COP1: variants seen among roughly 807,000 people sequenced by gnomAD.
The protein encoded by COP1 is E3 ubiquitin-protein ligase COP1.
COP1 carries 24 observed loss-of-function variants against 101.3 expected under a neutral mutation model. That is an observed-to-expected ratio of 0.24 (90% CI 0.17 to 0.33). COP1 has a LOEUF of 0.33. Ranked by LOEUF, COP1 falls within the 10% of genes least tolerant of loss-of-function variation. COP1 has a pLI of 1.00. For missense variants in COP1, 663 were observed against 906.2 expected (o/e 0.73, Z 3.45); for synonymous variants, 347 against 341.9 (o/e 1.01, Z -0.17).
intron 9 of COP1, among the ~76,000 whole-genome samples, chr1:176,102,306 C>T (rs937293970): frequency 7.2e-5 from 11 of 152,110 alleles, no homozygotes; most frequent in Non-Finnish European, 1.2e-4. Context: ...CACCCTTGTA[C>T]GTGCCTGCAA....
At position 175,981,692 on chromosome 1, in the gene COP1, A is replaced by C. The variant is rs532221578; in HGVS notation, c.2133+5251T>G. Among the ~76,000 whole-genome samples the C allele has an allele frequency of 1.2e-4, 18 of 152,304 alleles. No homozygotes were observed. In the South Asian group the frequency reaches 3.7e-3, roughly 32 times the overall value. Reference sequence around the variant, plus strand: ...ATATAAAGCTTCCTCACAACAAAGGAAACAACAGAGTGAAAAGACAACATG... The same window carrying C: ...ATATAAAGCTTCCTCACAACAAAGGCAACAACAGAGTGAAAAGACAACATG... On this transcript the variant is annotated intron_variant, in intron 18 of 19. Coordinates refer to ENST00000367669, the MANE Select transcript of COP1 (RefSeq NM_022457.7).
chr1:176,083,701 A>AG lies in COP1; in HGVS notation c.1141+2074_1141+2075insC, dbSNP rs1679605183. ...ATCTTTCATTTTAATAGTTGGAAAT[A>AG]AAAGAGAATACAGATGGATTTACAG... On this transcript the variant is annotated intron_variant, in intron 10 of 19. Transcript: ENST00000367669. Among the ~76,000 whole-genome samples the AG allele has an allele frequency of 1.8e-3, 4 of 2,270 alleles. No homozygotes were observed. The South Asian group carries it at 0.13, about 76-fold the overall frequency. 1.5% of individuals were successfully genotyped at this position (2,270 alleles called of 152,430 possible). A position where few individuals can be genotyped will look rare whatever the true frequency, so the allele number is the denominator to read the frequency against.
rs149770135 is a variant in COP1, at chr1:175,973,999, G to A, written c.2133+12944C>T. Among the ~76,000 whole-genome samples, 353 of 152,276 alleles carry A rather than the reference G, an allele frequency of 2.3e-3. 1 individual carries two copies. The highest frequency in any genetic ancestry group is 8.4e-3 in the African/African-American group (347 of 41,556). ...TATGCAAGTGGTAAGAGATTGAGCT[G>A]GAGAGGGAGGTGGGGGCCTGATAAA... On this transcript the variant is annotated intron_variant, in intron 18 of 19. Transcript: ENST00000367669.
intron 1 of COP1, among the ~76,000 whole-genome samples, chr1:176,203,114 G>A (rs1180998236): frequency 6.6e-6 from 1 of 151,678 alleles, no homozygotes; most frequent in Non-Finnish European, 1.5e-5. Flanking sequence ...GAGGCGGGCG[G>A]ATCATGAGGT....
intron 8 of COP1, among the ~76,000 whole-genome samples, chr1:176,125,396 T>G (rs1046006790): frequency 2.0e-5 from 3 of 152,210 alleles, no homozygotes; most frequent in African/African-American, 7.2e-5. Flanking sequence ...TTTAATCCAC[T>G]TTGATGTGAT....
At chr1:176,017,167 C>T (rs4460596) in intron 15 of COP1, 123,888 of 152,124 alleles carry the variant, frequency 0.81, 51,128 homozygotes, top group East Asian at 0.99. Context: ...GTAAAGAAAG[C>T]ATAAAATGAC....
intron 18 of COP1, among the ~76,000 whole-genome samples, chr1:175,956,956 A>T (rs1341146466): frequency 1.3e-5 from 2 of 152,182 alleles, no homozygotes; most frequent in Non-Finnish European, 2.9e-5. Context: ...ATGTTTAAAA[A>T]GTAAAAATAA....
At chr1:175,962,531 GC>G (rs1651500865) in intron 18 of COP1, among the ~76,000 whole-genome samples, 1 of 151,952 alleles carries the variant, frequency 6.6e-6, no homozygotes, top group South Asian at 2.1e-4. Flanking sequence ...TCCAAACCGA[GC>G]CTTTTCATTG....
intron 18 of COP1, among the ~76,000 whole-genome samples, chr1:175,954,753 C>T (rs1650397717): frequency 6.6e-6 from 1 of 151,890 alleles, no homozygotes; most frequent in African/African-American, 2.4e-5. Context: ...GTAAATCAAA[C>T]AAAACCAGAG....
intron 16 of COP1, chr1:175,989,136 CTAG>C: frequency 2.8e-6 from 1 of 351,614 alleles, no homozygotes; most frequent in Non-Finnish European, 5.1e-6. Flanking sequence ...ATATAAAAAA[CTAG>C]TATCTTCAGG....
chr1:176,012,990 C>T (rs958458592), intron 15 of COP1, among the ~76,000 whole-genome samples: 1 of 152,098 alleles, frequency 6.6e-6, no homozygotes, highest in East Asian at 1.9e-4. Context: ...CCCATGCCCT[C>T]CATACCAAAA....
At chr1:175,959,896 CAG>C (rs1450241697) in intron 18 of COP1, among the ~76,000 whole-genome samples, 1 of 152,222 alleles carries the variant, frequency 6.6e-6, no homozygotes, top group Non-Finnish European at 1.5e-5. Context: ...TCAAAATGTA[CAG>C]AGTCAAAAGT....
chr1:175,966,975 C>T (rs1652141750), intron 18 of COP1, among the ~76,000 whole-genome samples: 1 of 152,176 alleles, frequency 6.6e-6, no homozygotes, highest in African/African-American at 2.4e-5. Context: ...GGGATTTCTT[C>T]ATCACAAAGG....
chr1:176,164,839 AT>A (rs79339960), intron 3 of COP1, among the ~76,000 whole-genome samples: 13 of 151,088 alleles, frequency 8.6e-5, no homozygotes, highest in South Asian at 2.1e-4. Context: ...CAAAAAACTG[AT>A]TTTTTTTTTA....
intron 15 of COP1, among the ~76,000 whole-genome samples, chr1:176,004,955 G>C (rs1335687499): frequency 2.5e-4 from 38 of 151,792 alleles, no homozygotes; most frequent in African/African-American, 8.2e-4. Flanking sequence ...ACCTCTGGTA[G>C]AATTCAGCTG....
In COP1 at chr1:176,027,668, G is replaced by A. The variant is rs779379890; in HGVS notation, c.1633C>T (p.Leu545=). ...DAKVKLWSTN[L]DNSVASIEAK... The stretch of plus-strand genomic sequence containing the variant: ...TCAATGCTTGCCACTGAGTTGTCTA[G>A]ATTGGTAGACCACAGCTTCACTAAG... Residue 545 remains leucine (L), a synonymous_variant, in exon 15 of 20, where the codon CTA becomes TTA. Coordinates refer to ENST00000367669, the MANE Select transcript of COP1 (RefSeq NM_022457.7). The A allele has an allele frequency of 6.2e-7, 1 of 1,610,124 alleles. No individual in the cohort carries two copies. The highest frequency in any genetic ancestry group is 8.5e-7 in the Non-Finnish European group (1 of 1,176,464).
intron 9 of COP1, among the ~76,000 whole-genome samples, chr1:176,094,989 T>A (rs1682068506): frequency 6.6e-6 from 1 of 152,190 alleles, no homozygotes; most frequent in Non-Finnish European, 1.5e-5. Context: ...ATGGCAAAGT[T>A]CCCTGTCAAT....
At chr1:175,975,862 T>C (rs1654398964) in intron 18 of COP1, among the ~76,000 whole-genome samples, 1 of 152,212 alleles carries the variant, frequency 6.6e-6, no homozygotes. Context: ...TAGGAACCTG[T>C]TTTAACACAG....
chr1:175,975,234 C>T (rs1026006416), intron 18 of COP1, among the ~76,000 whole-genome samples: 3 of 152,052 alleles, frequency 2.0e-5, no homozygotes, highest in African/African-American at 7.2e-5. Context: ...GATAAATATA[C>T]CTTTAAACAA....
Sources: allele counts gnomAD v4.1 joint callset (sites outside exome capture counted in the v4.1 genomes callset), GRCh38; gene constraint gnomAD v4.1.1; transcripts MANE v1.5; gene names NCBI Gene and HGNC (gene_info 2026-07-23, HGNC 2026-07-21).